PLXNC1: variants seen among roughly 807,000 people sequenced by gnomAD.
PLXNC1 encodes the protein plexin C1.
Under a neutral mutation model 178.2 loss-of-function variants are expected in PLXNC1, and 75 were observed. The observed-to-expected ratio is 0.42, with a 90% CI of 0.35 to 0.51. The LOEUF (loss-of-function observed/expected upper bound fraction) is 0.51. Among genes scored for constraint, PLXNC1 ranks in the 20% least tolerant of loss-of-function variants. The pLI, the probability that PLXNC1 is intolerant of heterozygous loss-of-function variation, is 0.02. For synonymous variants in PLXNC1, 790 were observed against 779.9 expected (o/e 1.01, Z -0.22); for missense variants, 1,503 against 1,984.4 (o/e 0.76, Z 4.61).
intron 9 of PLXNC1, among the ~76,000 whole-genome samples, chr12:94,236,379 A>C (rs762758152): frequency 2.5e-4 from 38 of 152,348 alleles, no homozygotes; most frequent in Non-Finnish European, 4.4e-4. Context: ...CAGGATGGGC[A>C]GCCCCTGTAG....
chr12:94,270,442 A>G (rs1383366544), intron 21 of PLXNC1, among the ~76,000 whole-genome samples: 1 of 152,208 alleles, frequency 6.6e-6, no homozygotes, highest in Non-Finnish European at 1.5e-5. Flanking sequence ...TTGACATAGT[A>G]GAGAATAGGA....
intron 23 of PLXNC1, among the ~76,000 whole-genome samples, chr12:94,289,786 A>C (rs1163294201): frequency 6.6e-6 from 1 of 152,238 alleles, no homozygotes; most frequent in African/African-American, 2.4e-5. Context: ...AAAGTGTCAC[A>C]TGGGGGAAAT....
rs763800422 is a variant in PLXNC1 at position 94,298,733 on chromosome 12, C to T, written c.4176C>T (p.Asp1392=). 1.1e-5 allele frequency: 17 copies of T among 1,613,144 alleles called. No individual in the cohort carries two copies. Among genetic ancestry groups the T allele is most frequent in the East Asian group, 4.5e-5 (2 of 44,856 alleles). ...FAIKYFFDFL[D]AQAENKKITD... ...TAAAATACTTTTTTGACTTTTTGGA[C>T]GCCCAGGCTGAAAACAAAAAAATCA... The change falls in exon 27 of 31, where the codon GAC becomes GAT. Residue 1392 remains aspartate (D), a synonymous_variant. Coordinates refer to ENST00000258526, the MANE Select transcript of PLXNC1 (RefSeq NM_005761.3).
In PLXNC1 at chr12:94,259,684, T is replaced by A. The variant is rs1437889609; in HGVS notation, c.3201T>A (p.Val1067=). The A allele has an allele frequency of 6.2e-7, 1 of 1,612,994 alleles. No homozygotes were observed. The highest frequency in any genetic ancestry group is 2.2e-5 in the East Asian group (1 of 44,836). Residue 1067 remains valine, a synonymous_variant, in exon 19 of 31, where the codon GTT becomes GTA. Transcript: ENST00000258526. Reference sequence around the variant, plus strand: ...TAATCTGTAATAAAAGCTTTCTTGTTACTGTCATCCACACCCTTGAAAAGC... The same window carrying A: ...TAATCTGTAATAAAAGCTTTCTTGTAACTGTCATCCACACCCTTGAAAAGC... ...DALICNKSFL[V]TVIHTLEKQK...
At chr12:94,270,693 G>A (rs17301977) in intron 21 of PLXNC1, among the ~76,000 whole-genome samples, 6,201 of 151,108 alleles carry the variant, frequency 0.041, 244 homozygotes, top group Non-Finnish European at 0.057. Flanking sequence ...TGGACAAAAC[G>A]TTAGCAAATG....
chr12:94,262,499 A>G (rs1965019762), intron 20 of PLXNC1: 2 of 985,366 alleles, frequency 2.0e-6, no homozygotes, highest in Non-Finnish European at 2.4e-6. Context: ...TCCTTGAGCA[A>G]AGCATTCTGG....
At chr12:94,303,712 T>TTAAA in intron 28 of PLXNC1, 44 bp from the exon 29 acceptor site, 2 of 1,102,544 alleles carry the variant, frequency 1.8e-6, no homozygotes, top group Non-Finnish European at 2.4e-6. Flanking sequence ...TTTTTTTTTT[T>TTAAA]ACTCTTTTGG....
chr12:94,151,158 A>G (rs537054702), intron 1 of PLXNC1, among the ~76,000 whole-genome samples: 5 of 152,320 alleles, frequency 3.3e-5, no homozygotes, highest in African/African-American at 9.6e-5. Flanking sequence ...TTGGTACAAA[A>G]TGAATCAGAG....
chr12:94,232,471 G>T (rs1964131257), intron 9 of PLXNC1, among the ~76,000 whole-genome samples: 1 of 152,148 alleles, frequency 6.6e-6, no homozygotes, highest in Admixed American at 6.5e-5. Context: ...CTTCAAGAGT[G>T]AAATTAAATT....
chr12:94,238,677 T>A (rs924051503), intron 10 of PLXNC1, among the ~76,000 whole-genome samples: 13 of 152,346 alleles, frequency 8.5e-5, no homozygotes, highest in African/African-American at 3.1e-4. Flanking sequence ...AAGCGTGATG[T>A]TTTGATTTTT....
chr12:94,186,878 G>C (rs1271844705), intron 4 of PLXNC1: 1 of 182,178 alleles, frequency 5.5e-6, no homozygotes, highest in African/African-American at 2.3e-5. Context: ...CATGTATTCT[G>C]TTCGCTCCGC....
chr12:94,236,455 G>A (rs1270013369), intron 9 of PLXNC1, among the ~76,000 whole-genome samples: 1 of 152,228 alleles, frequency 6.6e-6, no homozygotes, highest in East Asian at 1.9e-4. Flanking sequence ...ATTGCTTCAA[G>A]AAGCAGGTGT....
At chr12:94,282,436 C>T (rs1449260165) in intron 23 of PLXNC1, 35 bp downstream of exon 23, 7 of 1,336,234 alleles carry the variant, frequency 5.2e-6, no homozygotes, top group Admixed American at 1.7e-5. Flanking sequence ...TCTCCTTCCT[C>T]ATCCCCAATC....
At chr12:94,250,894 C>T (rs571949884) in intron 14 of PLXNC1, among the ~76,000 whole-genome samples, 11 of 151,838 alleles carry the variant, frequency 7.2e-5, no homozygotes, top group African/African-American at 2.2e-4. Flanking sequence ...TGGTGTGTAC[C>T]GTAGCCCCAG....
chr12:94,278,196 G>A lies in PLXNC1; in HGVS notation c.3598-1276G>A, dbSNP rs1012587245. 7 of 368,348 alleles carry A rather than the reference G, an allele frequency of 1.9e-5. No individual in the cohort carries two copies. The East Asian group carries it at 2.2e-4, about 12-fold the overall frequency. The allele number at this position is 368,348 out of a possible 1,614,324, so 22.8% of individuals were successfully genotyped here. ...TTACTTGATCATTTTACATTCCCTCGTTAAGCCAGGCTCAAAACATTAAAT... is the reference window on the plus strand; with the variant it reads ...TTACTTGATCATTTTACATTCCCTCATTAAGCCAGGCTCAAAACATTAAAT... On this transcript the variant is annotated intron_variant, in intron 21 of 30. Coordinates refer to ENST00000258526, the MANE Select transcript of PLXNC1 (RefSeq NM_005761.3).
In PLXNC1 at chr12:94,304,029, AC is replaced by A; in HGVS notation, c.4581del (p.Tyr1527Ter). 6.4e-7 allele frequency: 1 copy of A among 1,566,450 alleles called. No homozygotes were observed. Among genetic ancestry groups the A allele is most frequent in the Non-Finnish European group, 8.8e-7 (1 of 1,138,146 alleles). On this transcript the variant is annotated frameshift_variant, in exon 30 of 31. Coordinates refer to ENST00000258526, the MANE Select transcript of PLXNC1 (RefSeq NM_005761.3). LOFTEE classifies it high-confidence loss of function. ...EEVALTEIYK[Y>X]IVKYFDEILN... ...GTGGCCTTGACAGAAATTTACAAAT[AC>A]ATCGTAAAATATTTTGATGAGGTAA...
Position 94,220,023 on chromosome 12 carries a change from T to C in PLXNC1, c.1562T>C (p.Val521Ala), listed in dbSNP as rs777032320. 6.2e-7 allele frequency: 1 copy of C among 1,613,704 alleles called. No homozygotes were observed. Among genetic ancestry groups the C allele is most frequent in the Non-Finnish European group, 8.5e-7 (1 of 1,179,812 alleles). ...IIRSSKEKTT[V>A]TMVGSFSPRH... Reference sequence around the variant, plus strand: ...CATATCTTCCCCGCACAGACTACAGTGACTATGGTGGGAAGCTTCTCTCCA... The same window carrying C: ...CATATCTTCCCCGCACAGACTACAGCGACTATGGTGGGAAGCTTCTCTCCA... The change falls in exon 6 of 31, where the codon GTG (valine) becomes GCG (alanine). Residue 521 changes from valine (V) to alanine (A), a missense_variant. Transcript: ENST00000258526.
Position 94,261,655 on chromosome 12 carries a change from C to T in PLXNC1, c.3450+815C>T, listed in dbSNP as rs144024456. The stretch of plus-strand genomic sequence containing the variant: ...TCTGAGGCCCCTGGTACAGAAGATT[C>T]TTATCCTTTAATTTTACCAGCCATC... On this transcript the variant is annotated intron_variant, in intron 20 of 30. Transcript: ENST00000258526. 5.4e-3 allele frequency among the ~76,000 whole-genome samples: 820 copies of T among 152,302 alleles called. 6 individuals are homozygous for T. The highest frequency in any genetic ancestry group is 8.5e-3 in the Non-Finnish European group (576 of 68,012).
chr12:94,156,962 G>A (rs1024946187), intron 1 of PLXNC1, among the ~76,000 whole-genome samples: 5 of 152,046 alleles, frequency 3.3e-5, no homozygotes, highest in Non-Finnish European at 5.9e-5. Context: ...CAGTCCTTCC[G>A]AAGTGCTAAG....
Sources: allele counts gnomAD v4.1 joint callset (sites outside exome capture counted in the v4.1 genomes callset), GRCh38; gene constraint gnomAD v4.1.1; transcripts MANE v1.5; gene names NCBI Gene and HGNC (gene_info 2026-07-23, HGNC 2026-07-21).